The following CNTNAP2 variants were observed in gnomAD, a reference collection of about 807,000 sequenced individuals.
The protein encoded by CNTNAP2 is contactin associated protein 2, also known as contactin-associated protein-like 2.
In CNTNAP2, 98 loss-of-function variants were observed where a neutral mutation model predicts 155.2. The observed-to-expected ratio is 0.63, with a 90% CI of 0.54 to 0.75. The LOEUF (loss-of-function observed/expected upper bound fraction) is 0.75. Ranked by LOEUF, CNTNAP2 falls within the 30% of genes least tolerant of loss-of-function variation. The pLI is 0.00. For synonymous variants in CNTNAP2, 651 were observed against 631.2 expected, an observed-to-expected ratio of 1.03 and a Z score of -0.47; for missense variants, 1,727 against 1,688.1, an observed-to-expected ratio of 1.02 and a Z score of -0.40.
intron 11 of CNTNAP2, among the ~76,000 whole-genome samples, chr7:147,530,802 C>T (rs545341178): frequency 2.6e-5 from 4 of 152,236 alleles, no homozygotes; most frequent in South Asian, 2.1e-4. Flanking sequence ...TAACTCATTT[C>T]GACATTAACT....
intron 11 of CNTNAP2, among the ~76,000 whole-genome samples, chr7:147,559,657 T>G (rs1800021184): frequency 6.6e-6 from 1 of 152,296 alleles, no homozygotes; most frequent in Non-Finnish European, 1.5e-5. Context: ...AATGGCAGAT[T>G]GGACAAAGGG....
intron 3 of CNTNAP2, among the ~76,000 whole-genome samples, chr7:146,956,505 A>G (rs985594152): frequency 2.6e-5 from 4 of 152,192 alleles, no homozygotes; most frequent in Non-Finnish European, 4.4e-5. Context: ...AGCCAAGTGT[A>G]CATTGCAATT....
chr7:147,712,539 A>G (rs2117017715), intron 13 of CNTNAP2, among the ~76,000 whole-genome samples: 1 of 152,346 alleles, frequency 6.6e-6, no homozygotes, highest in South Asian at 2.1e-4. Context: ...AACGTGGCAC[A>G]TATACACCGT....
rs148033024 is a variant in CNTNAP2 at position 147,961,829 on chromosome 7, A to G, written c.2256-16033A>G. On this transcript the variant is annotated intron_variant, in intron 14 of 23. Coordinates refer to ENST00000361727, the MANE Select transcript of CNTNAP2 (RefSeq NM_014141.6). ...ATGCATGATTCCCTTAGGAATGCCTATAACTAAATGAATATGAACTTTATT... is the reference window on the plus strand; with the variant it reads ...ATGCATGATTCCCTTAGGAATGCCTGTAACTAAATGAATATGAACTTTATT... Among the ~76,000 whole-genome samples the G allele has an allele frequency of 1.6e-3, 245 of 152,318 alleles. 7 individuals are homozygous for G. In the East Asian group the frequency reaches 0.029, roughly 18 times the overall value.
At chr7:147,981,817 G>GTGTGTGTGTGTGT (rs758963411) in intron 15 of CNTNAP2, among the ~76,000 whole-genome samples, 7 of 138,916 alleles carry the variant, frequency 5.0e-5, no homozygotes, top group Non-Finnish European at 6.3e-5. Context: ...GTGTGTGTGT[G>GTGTGTGTGTGTGT]GTTTTTTTTT....
intron 8 of CNTNAP2, among the ~76,000 whole-genome samples, chr7:147,148,160 G>A (rs1021331296): frequency 2.6e-5 from 4 of 152,012 alleles, no homozygotes; most frequent in Non-Finnish European, 4.4e-5. Flanking sequence ...GGAGGCCGAG[G>A]CGGGCGGATC....
rs7803497 is a variant in CNTNAP2, at chr7:148,369,701, A to G, written c.3476-13948A>G. On this transcript the variant is annotated intron_variant, in intron 21 of 23. Coordinates refer to ENST00000361727, the MANE Select transcript of CNTNAP2 (RefSeq NM_014141.6). Reference sequence around the variant, plus strand: ...TATTACTATTACTGCTACATTCACTATGAGAAAACATTCACGTCTCAGAAA... The same window carrying G: ...TATTACTATTACTGCTACATTCACTGTGAGAAAACATTCACGTCTCAGAAA... Among the ~76,000 whole-genome samples the G allele has an allele frequency of 9.8e-3, 1,472 of 150,134 alleles. 25 individuals are homozygous for G. Among genetic ancestry groups the G allele is most frequent in the African/African-American group, 0.034 (1,397 of 40,924 alleles).
intron 21 of CNTNAP2, among the ~76,000 whole-genome samples, chr7:148,271,916 G>A (rs1009254849): frequency 6.6e-6 from 1 of 152,110 alleles, no homozygotes; most frequent in African/African-American, 2.4e-5. Flanking sequence ...GGAGTTTCAT[G>A]CTCCAAAGTT....
At chr7:148,178,534 TA>T (rs1794984623) in intron 18 of CNTNAP2, among the ~76,000 whole-genome samples, 1 of 152,250 alleles carries the variant, frequency 6.6e-6, no homozygotes, top group Non-Finnish European at 1.5e-5. Flanking sequence ...GCTAATATTT[TA>T]TAATCTGTAT....
chr7:146,288,927 C>A (rs1272535358), intron 1 of CNTNAP2, among the ~76,000 whole-genome samples: 1 of 149,918 alleles, frequency 6.7e-6, no homozygotes, highest in Admixed American at 6.7e-5. Context: ...GCCTCAGCCT[C>A]TGGAGTAGCT....
At chr7:146,536,385 G>A (rs1341170712) in intron 1 of CNTNAP2, among the ~76,000 whole-genome samples, 2 of 151,976 alleles carry the variant, frequency 1.3e-5, no homozygotes, top group Non-Finnish European at 2.9e-5. Flanking sequence ...TTCCAAATGG[G>A]GATTTATGTT....
At chr7:147,331,751 C>T (rs6954016) in intron 9 of CNTNAP2, among the ~76,000 whole-genome samples, 29,725 of 152,102 alleles carry the variant, frequency 0.2, 3,162 homozygotes, top group East Asian at 0.36. Context: ...ATCGAGATTA[C>T]TAGAAGTGTT....
intron 1 of CNTNAP2, among the ~76,000 whole-genome samples, chr7:146,480,335 T>C (rs1444053320): frequency 6.6e-6 from 1 of 152,196 alleles, no homozygotes; most frequent in Non-Finnish European, 1.5e-5. Flanking sequence ...GAGAATGATT[T>C]GATTATAGGT....
chr7:146,159,104 G>T (rs1053592482), intron 1 of CNTNAP2, among the ~76,000 whole-genome samples: 3 of 152,134 alleles, frequency 2.0e-5, no homozygotes, highest in Admixed American at 6.5e-5. Flanking sequence ...CTAAAGAAAA[G>T]AATTTTCAAC....
chr7:147,191,553 T>C (rs772021982), intron 8 of CNTNAP2, among the ~76,000 whole-genome samples: 24 of 152,198 alleles, frequency 1.6e-4, no homozygotes, highest in Non-Finnish European at 2.5e-4. Context: ...TACAGTCATG[T>C]CTTAGGTCTC....
At chr7:147,782,244 G>C (rs1335538499) in intron 13 of CNTNAP2, among the ~76,000 whole-genome samples, 4 of 152,172 alleles carry the variant, frequency 2.6e-5, no homozygotes, top group African/African-American at 9.7e-5. Context: ...AAGTGCTAAG[G>C]TCATTTCTAG....
At chr7:146,851,159 A>G (rs1274098663) in intron 3 of CNTNAP2, among the ~76,000 whole-genome samples, 2 of 151,824 alleles carry the variant, frequency 1.3e-5, no homozygotes, top group Non-Finnish European at 2.9e-5. Flanking sequence ...TAATTTTTGT[A>G]TGTTTAATAG....
chr7:146,927,121 T>A (rs1186567058), intron 3 of CNTNAP2, among the ~76,000 whole-genome samples: 3 of 152,168 alleles, frequency 2.0e-5, no homozygotes, highest in Non-Finnish European at 4.4e-5. Flanking sequence ...TCTCTTTTCA[T>A]GTCATCAAAA....
intron 13 of CNTNAP2, among the ~76,000 whole-genome samples, chr7:147,858,541 T>C (rs1450204874): frequency 6.6e-6 from 1 of 152,228 alleles, no homozygotes; most frequent in Non-Finnish European, 1.5e-5. Flanking sequence ...ATTGTGTCAC[T>C]GCCAAAGAAG....
Sources: gnomAD v4.1 joint callset for allele counts (sites outside exome capture counted in the v4.1 genomes callset) on GRCh38, gnomAD v4.1.1 for gene constraint, MANE v1.5 for transcripts, NCBI Gene and HGNC (gene_info 2026-07-23, HGNC 2026-07-21) for gene names.